The following TPD52 variants were observed in gnomAD, a reference collection of about 807,000 sequenced individuals.
TPD52 encodes the protein tumor protein D52.
Under a neutral mutation model 31.3 loss-of-function variants are expected in TPD52, and 17 were observed. That is an observed-to-expected ratio of 0.54 (90% CI 0.37 to 0.82). The LOEUF (loss-of-function observed/expected upper bound fraction) is 0.82, where lower values mean the gene tolerates loss of function less well. Ranked by LOEUF, TPD52 falls within the 40% of genes least tolerant of loss-of-function variation. The pLI is 0.00. For missense variants in TPD52, 212 were observed against 240.1 expected, an observed-to-expected ratio of 0.88 and a Z score of 0.77; for synonymous variants, 83 against 89.6, an observed-to-expected ratio of 0.93 and a Z score of 0.42.
chr8:80,090,462 G>A (rs1281641727), intron 1 of TPD52, among the ~76,000 whole-genome samples: 2 of 152,134 alleles, frequency 1.3e-5, no homozygotes, highest in Non-Finnish European at 2.9e-5. Flanking sequence ...GAGGGGCGGG[G>A]CAGACCAGGG....
chr8:80,072,798 CATAT>C (rs779389191), intron 1 of TPD52, among the ~76,000 whole-genome samples: 6 of 141,044 alleles, frequency 4.3e-5, no homozygotes, highest in African/African-American at 1.8e-4. Flanking sequence ...CACACACACA[CATAT>C]ATATATATAT....
At chr8:80,039,066 A>C (rs1161348186) in intron 7 of TPD52, among the ~76,000 whole-genome samples, 3 of 152,232 alleles carry the variant, frequency 2.0e-5, no homozygotes, top group African/African-American at 7.2e-5. Context: ...CCATGGATGC[A>C]AGAAGCTTAT....
In TPD52 at chr8:80,106,912, C is replaced by T. The variant is rs190666852; in HGVS notation, c.20-42319G>A. ...TGTTGCCCAGGCTGGAGGGCAGTGG[C>T]GTGATCTCAGCTCACTGCAAGATCT... is the stretch of plus-strand genomic sequence containing the variant. On this transcript the variant is annotated intron_variant, in intron 1 of 7. Coordinates refer to ENST00000518937, the MANE Select transcript of TPD52 (RefSeq NM_001025253.3). Among the ~76,000 whole-genome samples, 130 of 150,064 alleles carry T rather than the reference C, an allele frequency of 8.7e-4. 2 individuals carry two copies. The East Asian group carries it at 0.025, about 29-fold the overall frequency.
intron 1 of TPD52, chr8:80,080,760 G>C: frequency 9.4e-7 from 1 of 1,058,486 alleles, no homozygotes; most frequent in Non-Finnish European, 1.1e-6. Flanking sequence ...GCTTTCCTCA[G>C]TCAACAAAGA....
intron 1 of TPD52, among the ~76,000 whole-genome samples, chr8:80,140,950 C>CATGTGTGTGTGTGT (rs1554593073): frequency 7.0e-6 from 1 of 143,676 alleles, no homozygotes; most frequent in African/African-American, 2.6e-5. Flanking sequence ...CAATACAACT[C>CATGTGTGTGTGTGT]GTGTGTGTGT....
At chr8:80,047,449 A>G (rs1487763892) in intron 5 of TPD52, among the ~76,000 whole-genome samples, 2 of 152,222 alleles carry the variant, frequency 1.3e-5, no homozygotes, top group African/African-American at 4.8e-5. Flanking sequence ...GAGGGGAAAT[A>G]TAAGCATATC....
At chr8:80,033,768 G>A (rs1188764629), downstream of TPD52, among the ~76,000 whole-genome samples, 3 of 152,188 alleles carry the variant, frequency 2.0e-5, no homozygotes, top group Admixed American at 6.5e-5. Context: ...CCTTTCTGCA[G>A]GCAGGTTGTC....
At chr8:80,057,648 T>C (rs1023339587) in intron 2 of TPD52, among the ~76,000 whole-genome samples, 6 of 152,082 alleles carry the variant, frequency 3.9e-5, no homozygotes, top group African/African-American at 1.2e-4. Context: ...ATGGGAACAC[T>C]AAACACTGGG....
At chr8:80,048,093 ATC>A (rs1396219506) in intron 5 of TPD52, among the ~76,000 whole-genome samples, 8 of 152,344 alleles carry the variant, frequency 5.3e-5, no homozygotes, top group African/African-American at 1.9e-4. Flanking sequence ...ATATAAGCAT[ATC>A]ACCTGAGGGA....
chr8:80,159,895 T>A (rs1050954456), intron 1 of TPD52, among the ~76,000 whole-genome samples: 2 of 152,172 alleles, frequency 1.3e-5, no homozygotes, highest in African/African-American at 2.4e-5. Context: ...ATAAACTGAT[T>A]AGAAAATGTA....
intron 6 of TPD52, 30 bp downstream of exon 6, chr8:80,044,137 C>A: frequency 6.4e-7 from 1 of 1,562,794 alleles, no homozygotes; most frequent in Non-Finnish European, 8.7e-7. Flanking sequence ...AAGCATAAGA[C>A]CAACTACATT....
chr8:80,088,938 GC>G (rs1816038555), intron 1 of TPD52, among the ~76,000 whole-genome samples: 1 of 152,048 alleles, frequency 6.6e-6, no homozygotes, highest in South Asian at 2.1e-4. Flanking sequence ...CTCGTGATCC[GC>G]CCGCCTCGGC....
intron 6 of TPD52, 69 bp downstream of exon 6, chr8:80,044,098 C>CA: frequency 7.5e-7 from 1 of 1,342,156 alleles, no homozygotes; most frequent in Non-Finnish European, 1.0e-6. Context: ...CAGAACAGTT[C>CA]AAGTTAAACA....
At chr8:80,151,963 T>C (rs1292139324) in intron 1 of TPD52, among the ~76,000 whole-genome samples, 1 of 152,234 alleles carries the variant, frequency 6.6e-6, no homozygotes, top group Non-Finnish European at 1.5e-5. Flanking sequence ...TAATTGCGCT[T>C]ATGTTGATTT....
At chr8:80,032,216 G>A (rs910978592), downstream of TPD52, among the ~76,000 whole-genome samples, 1 of 150,748 alleles carries the variant, frequency 6.6e-6, no homozygotes, top group African/African-American at 2.4e-5. Context: ...TTTGGCCTTA[G>A]TTCTGTCTTT....
At chr8:80,057,978 C>T (rs1249532512) in intron 2 of TPD52, among the ~76,000 whole-genome samples, 3 of 152,036 alleles carry the variant, frequency 2.0e-5, no homozygotes, top group East Asian at 1.9e-4. Context: ...GCACCTGCCC[C>T]GTAAGACTGT....
chr8:80,137,917 G>A (rs1010163657), intron 1 of TPD52, among the ~76,000 whole-genome samples: 6 of 151,968 alleles, frequency 3.9e-5, no homozygotes, highest in South Asian at 2.1e-4. Context: ...CAGCCTGAGC[G>A]ACAGAATGAG....
At chr8:80,098,944 A>T (rs1410131791) in intron 1 of TPD52, among the ~76,000 whole-genome samples, 1 of 152,232 alleles carries the variant, frequency 6.6e-6, no homozygotes, top group Non-Finnish European at 1.5e-5. Flanking sequence ...AAAAAACATT[A>T]GGACTCACTG....
chr8:80,119,586 T>C (rs1291630368), intron 1 of TPD52, among the ~76,000 whole-genome samples: 2 of 152,198 alleles, frequency 1.3e-5, no homozygotes, highest in African/African-American at 2.4e-5. Context: ...AGGGAAACTA[T>C]AGTGAATGAG....
Sources: gnomAD v4.1 joint callset for allele counts (sites outside exome capture counted in the v4.1 genomes callset) on GRCh38, gnomAD v4.1.1 for gene constraint, MANE v1.5 for transcripts, NCBI Gene and HGNC (gene_info 2026-07-23, HGNC 2026-07-21) for gene names.